Variants in TSC22D2 observed in about 807,000 individuals in gnomAD.
TSC22D2 encodes the protein TSC22 domain family member 2.
TSC22D2 carries 5 observed loss-of-function variants against 50.1 expected under a neutral mutation model. The ratio of observed to expected loss-of-function variants is 0.10; its 90% CI spans 0.05 to 0.21. The LOEUF (loss-of-function observed/expected upper bound fraction) is 0.21, where lower values mean the gene tolerates loss of function less well. Among genes scored for constraint, TSC22D2 ranks in the 10% least tolerant of loss-of-function variants. TSC22D2 has a pLI of 1.00. For missense variants in TSC22D2, 1,003 were observed against 1,015.5 expected, an observed-to-expected ratio of 0.99 and a Z score of 0.17; for synonymous variants, 501 against 450.1, an observed-to-expected ratio of 1.11 and a Z score of -1.43.
intron 1 of TSC22D2, among the ~76,000 whole-genome samples, chr3:150,436,058 A>G (rs1720529596): frequency 6.6e-6 from 1 of 152,190 alleles, no homozygotes; most frequent in South Asian, 2.1e-4. Flanking sequence ...AGGATGTCCT[A>G]CATGTTGGAA....
intron 1 of TSC22D2, among the ~76,000 whole-genome samples, chr3:150,445,831 C>G (rs1310185695): frequency 6.6e-6 from 1 of 152,164 alleles, no homozygotes; most frequent in Non-Finnish European, 1.5e-5. Flanking sequence ...CAGCTAGCCT[C>G]ACGCCTGTAA....
chr3:150,463,780 C>CA lies in TSC22D2; in HGVS notation c.*5145dup, dbSNP rs1372315986. On this transcript the variant is annotated 3_prime_UTR_variant, in exon 3 of 3. Coordinates refer to ENST00000688009, the MANE Select transcript of TSC22D2 (RefSeq NM_001303264.2). Reference sequence around the variant, plus strand: ...GAATCATCAAATAAGAAAAATAAGACAGATTTTCAGATTGGTGATGGCAAA... The same window carrying CA: ...GAATCATCAAATAAGAAAAATAAGACAAGATTTTCAGATTGGTGATGGCAAA... 6.6e-6 allele frequency: 1 copy of CA among 151,986 alleles called. No homozygotes were observed. The highest frequency in any genetic ancestry group is 6.5e-5 in the Admixed American group (1 of 15,268). 9.4% of individuals were successfully genotyped at this position (151,986 alleles called of 1,614,324 possible). A position where few individuals can be genotyped will look rare whatever the true frequency, so the allele number is the denominator to read the frequency against.
At chr3:150,425,164 A>G (rs1720140499) in intron 1 of TSC22D2, among the ~76,000 whole-genome samples, 1 of 152,098 alleles carries the variant, frequency 6.6e-6, no homozygotes, top group South Asian at 2.1e-4. Flanking sequence ...TTATAAATTT[A>G]GGATTTTTTT....
intron 1 of TSC22D2, among the ~76,000 whole-genome samples, chr3:150,427,619 C>T (rs1720236150): frequency 6.6e-6 from 1 of 152,020 alleles, no homozygotes; most frequent in Non-Finnish European, 1.5e-5. Flanking sequence ...CAATATATTC[C>T]TTACTAATTT....
intron 1 of TSC22D2, among the ~76,000 whole-genome samples, chr3:150,444,089 C>T (rs568083109): frequency 3.3e-5 from 5 of 152,052 alleles, no homozygotes; most frequent in South Asian, 2.1e-4. Flanking sequence ...TAGAAACTGG[C>T]GCACTTTCCT....
intron 1 of TSC22D2, among the ~76,000 whole-genome samples, chr3:150,437,532 G>A (rs887906772): frequency 1.3e-5 from 2 of 151,998 alleles, no homozygotes; most frequent in East Asian, 1.9e-4. Context: ...GCCAGGCATG[G>A]TGGCTCATGC....
chr3:150,426,346 T>C (rs1288908319), intron 1 of TSC22D2, among the ~76,000 whole-genome samples: 1 of 152,170 alleles, frequency 6.6e-6, no homozygotes, highest in Non-Finnish European at 1.5e-5. Flanking sequence ...TAAAGAACAG[T>C]TTTCCAAAGT....
chr3:150,435,790 G>GT (rs1232539369), intron 1 of TSC22D2, among the ~76,000 whole-genome samples: 2 of 151,906 alleles, frequency 1.3e-5, no homozygotes, highest in Non-Finnish European at 2.9e-5. Flanking sequence ...CCCTTTCACT[G>GT]TTTTTTTATT....
At chr3:150,458,262 TA>T in intron 2 of TSC22D2, 113 bp from the exon 3 acceptor site, 6 of 1,140,976 alleles carry the variant, frequency 5.3e-6, no homozygotes, top group Non-Finnish European at 7.4e-6. Context: ...GCAGAAACAT[TA>T]AAAGCAAGAG....
At position 150,409,283 on chromosome 3, in the gene TSC22D2, G is replaced by A; in HGVS notation, c.-68G>A. 3 of 1,508,066 alleles carry A rather than the reference G, an allele frequency of 2.0e-6. No individual in the cohort carries two copies. Among genetic ancestry groups the A allele is most frequent in the Admixed American group, 2.1e-5 (1 of 48,150 alleles). 93.4% of individuals were successfully genotyped at this position (1,508,066 alleles called of 1,614,324 possible). On this transcript the variant is annotated 5_prime_UTR_variant, in exon 1 of 3. Coordinates refer to ENST00000688009, the MANE Select transcript of TSC22D2 (RefSeq NM_001303264.2). This position sits in a 1 kb window ranked among gnomAD's most constrained non-coding sequence, Gnocchi z 7.4. ...CTTTGTCTTTGGGGGCCCGTGCTCTGCCCTCCCCGGTTTCCGACAGGACCC... is the reference window on the plus strand; with the variant it reads ...CTTTGTCTTTGGGGGCCCGTGCTCTACCCTCCCCGGTTTCCGACAGGACCC...
At chr3:150,439,491 T>C (rs1037879945) in intron 1 of TSC22D2, among the ~76,000 whole-genome samples, 1 of 152,214 alleles carries the variant, frequency 6.6e-6, no homozygotes, top group African/African-American at 2.4e-5. Context: ...TTTTCTATTT[T>C]CTTTATTTTC....
intron 1 of TSC22D2, among the ~76,000 whole-genome samples, chr3:150,418,397 CTATTTAAAAAT>C (rs1719894851): frequency 6.6e-6 from 1 of 151,848 alleles, no homozygotes; most frequent in African/African-American, 2.4e-5. Context: ...AGACTGACTT[CTATTTAAAAAT>C]TATTCTCTGC....
At chr3:150,444,579 C>G (rs1237737103) in intron 1 of TSC22D2, among the ~76,000 whole-genome samples, 1 of 152,126 alleles carries the variant, frequency 6.6e-6, no homozygotes, top group Non-Finnish European at 1.5e-5. Flanking sequence ...AGTCTTATCT[C>G]TGGAATCTAA....
intron 1 of TSC22D2, among the ~76,000 whole-genome samples, chr3:150,443,497 C>T (rs1052841395): frequency 6.6e-6 from 1 of 152,178 alleles, no homozygotes; most frequent in East Asian, 1.9e-4. Context: ...CGTTTCTCTA[C>T]TTATTGATTC....
In TSC22D2 at chr3:150,410,732, C is replaced by T; in HGVS notation, c.1382C>T (p.Thr461Ile). 5.6e-6 allele frequency: 9 copies of T among 1,599,306 alleles called. No individual in the cohort carries two copies. The highest frequency in any genetic ancestry group is 7.7e-6 in the Non-Finnish European group (9 of 1,173,598). ...CAGCCGACTGGAGTGCCCCCGGCTA[C>T]TGTGGGAGGCGTGGTGCAGCCGTGC... ...PCQPTGVPPA[T>I]VGGVVQPCLG... is the part of the protein sequence containing the mutation. The change falls in exon 1 of 3, where the codon ACT becomes ATT. Residue 461 changes from threonine (T) to isoleucine (I), a missense_variant. Around this residue, in one of 6 missense-constraint regions of TSC22D2, gnomAD observed 696 missense variants for 647.8 expected, o/e 1.07. Transcript: ENST00000688009.
At chr3:150,424,361 A>G (rs956105232) in intron 1 of TSC22D2, among the ~76,000 whole-genome samples, 2 of 152,154 alleles carry the variant, frequency 1.3e-5, no homozygotes, top group Non-Finnish European at 2.9e-5. Context: ...TCTTAGAAAA[A>G]GGAAAAATAG....
chr3:150,430,176 G>T (rs1353181245), intron 1 of TSC22D2, among the ~76,000 whole-genome samples: 1 of 152,110 alleles, frequency 6.6e-6, no homozygotes, highest in Non-Finnish European at 1.5e-5. Context: ...TGGCTTTTGA[G>T]TTGGAAACTG....
At chr3:150,413,766 A>G (rs898122275) in intron 1 of TSC22D2, among the ~76,000 whole-genome samples, 6 of 152,082 alleles carry the variant, frequency 3.9e-5, no homozygotes, top group African/African-American at 1.2e-4. Context: ...GCATGTTTTC[A>G]AATTTGAAAT....
At chr3:150,454,992 T>G (rs765746118) in intron 1 of TSC22D2, among the ~76,000 whole-genome samples, 3 of 152,026 alleles carry the variant, frequency 2.0e-5, no homozygotes, top group East Asian at 3.9e-4. Context: ...GTAATTTTTG[T>G]TTTTTTTACT....
Sources: gnomAD v4.1 joint callset for allele counts (sites outside exome capture counted in the v4.1 genomes callset) on GRCh38, gnomAD v4.1.1 for gene constraint, gnomAD v4.1.1 regional missense constraint, Gnocchi (gnomAD v3.1) non-coding constraint, MANE v1.5 for transcripts, NCBI Gene and HGNC (gene_info 2026-07-23, HGNC 2026-07-21) for gene names.